The following FAF1 variants were observed in gnomAD, a reference collection of about 807,000 sequenced individuals.
FAF1 encodes FAS-associated factor 1.
FAF1 carries 25 observed loss-of-function variants against 92.5 expected under a neutral mutation model. That is an observed-to-expected ratio of 0.27 (90% CI 0.20 to 0.38). The LOEUF is 0.38. FAF1 is among the 10% of genes least tolerant of loss of function. The probability of loss-of-function intolerance (pLI) is 1.00; values close to 1 mark genes in which losing one functional copy is unlikely to be tolerated. For synonymous variants in FAF1, 234 were observed against 273.2 expected (o/e 0.86, Z 1.42); for missense variants, 636 against 793.3 (o/e 0.80, Z 2.38).
intron 4 of FAF1, among the ~76,000 whole-genome samples, chr1:50,763,808 G>A (rs981153617): frequency 1.3e-5 from 2 of 152,086 alleles, no homozygotes; most frequent in Non-Finnish European, 2.9e-5. Flanking sequence ...TAATATAACA[G>A]AACATTAAAA....
chr1:50,925,970 A>T lies in FAF1; in HGVS notation c.45+33797T>A, dbSNP rs568318932. 2.0e-4 allele frequency among the ~76,000 whole-genome samples: 30 copies of T among 152,284 alleles called. No individual in the cohort carries two copies. The South Asian group carries it at 6.0e-3, about 30-fold the overall frequency. On this transcript the variant is annotated intron_variant, in intron 1 of 18. Transcript: ENST00000396153. ...GTGCCTCATGCACGTAATCCCAGTG[A>T]TTTGGGAGGCTGAGGCAGGAGGGTC...
intron 4 of FAF1, among the ~76,000 whole-genome samples, chr1:50,771,027 G>A (rs1211958648): frequency 1.3e-5 from 2 of 152,206 alleles, no homozygotes; most frequent in African/African-American, 2.4e-5. Flanking sequence ...AATAAATGGT[G>A]TTGGGGTAGC....
intron 4 of FAF1, among the ~76,000 whole-genome samples, chr1:50,769,446 A>G (rs1300287730): frequency 6.6e-6 from 1 of 152,190 alleles, no homozygotes; most frequent in Admixed American, 6.5e-5. Flanking sequence ...TCATTTTATG[A>G]GGCCAGCATC....
intron 13 of FAF1, among the ~76,000 whole-genome samples, chr1:50,557,768 G>T (rs1380983279): frequency 6.6e-6 from 1 of 151,970 alleles, no homozygotes; most frequent in Non-Finnish European, 1.5e-5. Flanking sequence ...AAGGTCTGCC[G>T]AAATATCATC....
At chr1:50,637,848 A>G (rs921927104) in intron 8 of FAF1, among the ~76,000 whole-genome samples, 8 of 151,112 alleles carry the variant, frequency 5.3e-5, no homozygotes, top group Admixed American at 2.6e-4. Flanking sequence ...TTTCTCCTAT[A>G]TTTTCCCCAA....
rs149834422 is a variant in FAF1 at position 50,927,177 on chromosome 1, T to C, written c.45+32590A>G. 5.9e-5 allele frequency among the ~76,000 whole-genome samples: 9 copies of C among 152,336 alleles called. No individual in the cohort carries two copies. The East Asian group carries it at 1.7e-3, about 29-fold the overall frequency. ...ACGTTCTAGAGATGAGTGGTGGTGA[T>C]GCCACATAACAATGTGAGGGTACTT... On this transcript the variant is annotated intron_variant, in intron 1 of 18. Transcript: ENST00000396153.
chr1:50,779,991 G>GGC, intron 4 of FAF1, among the ~76,000 whole-genome samples: 1 of 145,532 alleles, frequency 6.9e-6, no homozygotes, highest in South Asian at 2.2e-4. Context: ...CAGACAGACA[G>GGC]ACACACACAC....
chr1:50,685,185 T>G (rs985468148), intron 7 of FAF1, among the ~76,000 whole-genome samples: 3 of 152,136 alleles, frequency 2.0e-5, no homozygotes, highest in South Asian at 2.1e-4. Flanking sequence ...TTTAAAAAAT[T>G]TATGTGTTCA....
intron 2 of FAF1, among the ~76,000 whole-genome samples, chr1:50,821,326 C>T (rs1220985885): frequency 6.6e-6 from 1 of 152,100 alleles, no homozygotes; most frequent in East Asian, 1.9e-4. Context: ...GGAATGAGTG[C>T]CAGAAATCAT....
At chr1:50,654,678 T>C (rs574361407) in intron 8 of FAF1, among the ~76,000 whole-genome samples, 4 of 152,324 alleles carry the variant, frequency 2.6e-5, no homozygotes, top group South Asian at 2.1e-4. Flanking sequence ...CAGTCTACTA[T>C]GAAAAAGGTA....
chr1:50,580,032 G>C (rs1196231611), intron 12 of FAF1, among the ~76,000 whole-genome samples: 1 of 152,080 alleles, frequency 6.6e-6, no homozygotes. Context: ...TAGGGGTAAA[G>C]TATGACATCT....
intron 9 of FAF1, among the ~76,000 whole-genome samples, chr1:50,590,853 A>G (rs1184248214): frequency 6.6e-6 from 1 of 151,696 alleles, no homozygotes; most frequent in Non-Finnish European, 1.5e-5. Flanking sequence ...GTGGTGGTGT[A>G]CTCCTGTAGT....
intron 3 of FAF1, among the ~76,000 whole-genome samples, chr1:50,799,046 G>A (rs1307929383): frequency 6.6e-6 from 1 of 152,018 alleles, no homozygotes; most frequent in Non-Finnish European, 1.5e-5. Context: ...TCCTGACCGC[G>A]AGTGATCTGC....
At chr1:50,917,698 GGAAAA>G (rs1644931064) in intron 1 of FAF1, among the ~76,000 whole-genome samples, 2 of 132,846 alleles carry the variant, frequency 1.5e-5, no homozygotes, top group African/African-American at 5.4e-5. Context: ...GGAAAGGAAA[GGAAAA>G]GAAAGAAAAC....
At chr1:50,660,393 A>G (rs1655319364) in intron 7 of FAF1, among the ~76,000 whole-genome samples, 1 of 152,196 alleles carries the variant, frequency 6.6e-6, no homozygotes, top group South Asian at 2.1e-4. Flanking sequence ...ACTTTTAGGG[A>G]ATTTTAAATG....
intron 1 of FAF1, among the ~76,000 whole-genome samples, chr1:50,911,556 G>A (rs912234553): frequency 3.3e-5 from 5 of 151,626 alleles, no homozygotes; most frequent in Middle Eastern, 6.9e-3. Flanking sequence ...AATTAACCAA[G>A]CCTGGTGGCA....
intron 1 of FAF1, among the ~76,000 whole-genome samples, chr1:50,890,555 TG>T (rs1286347326): frequency 6.6e-6 from 1 of 152,230 alleles, no homozygotes; most frequent in Non-Finnish European, 1.5e-5. Flanking sequence ...AGAGCAGGCT[TG>T]GTGGTGACAA....
chr1:50,810,640 A>C (rs773650962), intron 2 of FAF1, among the ~76,000 whole-genome samples: 16 of 152,244 alleles, frequency 1.1e-4, no homozygotes, highest in South Asian at 2.1e-4. Context: ...AAGTCAAACT[A>C]TCTCTGTTTG....
chr1:50,525,639 GA>G (rs1183555262), intron 15 of FAF1, among the ~76,000 whole-genome samples: 2 of 152,216 alleles, frequency 1.3e-5, no homozygotes, highest in East Asian at 3.8e-4. Flanking sequence ...GATCTTGGAA[GA>G]AAAGCTTTGA....
Sources: allele counts gnomAD v4.1 joint callset (sites outside exome capture counted in the v4.1 genomes callset), GRCh38; gene constraint gnomAD v4.1.1; transcripts MANE v1.5; gene names NCBI Gene and HGNC (gene_info 2026-07-23, HGNC 2026-07-21).